GNB1L: variants seen among roughly 807,000 people sequenced by gnomAD.
GNB1L encodes G protein subunit beta 1 like, also known as guanine nucleotide-binding protein subunit beta-like protein 1.
GNB1L carries 20 observed loss-of-function variants against 29.1 expected under a neutral mutation model. The ratio of observed to expected loss-of-function variants is 0.69; its 90% CI spans 0.48 to 1.00. The LOEUF is 1.00. Ranked by LOEUF, GNB1L falls within the 50% of genes least tolerant of loss-of-function variation. The pLI, the probability that GNB1L is intolerant of heterozygous loss-of-function variation, is 0.00. For missense variants in GNB1L, 421 were observed against 464.9 expected (o/e 0.91, Z 0.87); for synonymous variants, 193 against 206.5 (o/e 0.93, Z 0.56).
At chr22:19,795,707 T>A (rs1937298668) in intron 7 of GNB1L, among the ~76,000 whole-genome samples, 1 of 152,144 alleles carries the variant, frequency 6.6e-6, no homozygotes, top group Non-Finnish European at 1.5e-5. Flanking sequence ...GAAGACACAG[T>A]AAGTCAAAGC....
intron 2 of GNB1L, chr22:19,850,758 G>T: frequency 8.0e-7 from 1 of 1,248,232 alleles, no homozygotes; most frequent in Non-Finnish European, 1.0e-6. Context: ...GTCCCAACAG[G>T]GCAGACGTGG....
At position 19,788,845 on chromosome 22, in the gene GNB1L, C is replaced by T. The variant is rs768670813; in HGVS notation, c.848G>A (p.Arg283Gln). ...WDHRIRVFHW[R>Q]TMQPLAVLAF... ...CAGCACGGCCAGTGGCTGCATCGTC[C>T]GCCAGTGGAACACGCGGATGCGGTG... Residue 283 changes from arginine (R) to glutamine (Q), a missense_variant, in exon 8 of 8, where the codon CGG (arginine) becomes CAG (glutamine). By Grantham distance (43) the Arg-to-Gln change is conservative. Coordinates refer to ENST00000329517, the MANE Select transcript of GNB1L (RefSeq NM_053004.3). 46 of 1,612,768 alleles carry T rather than the reference C, an allele frequency of 2.9e-5. No homozygotes were observed. The highest frequency in any genetic ancestry group is 1.7e-4 in the Middle Eastern group (1 of 6,028).
At chr22:19,805,085 A>G (rs531555047) in intron 6 of GNB1L, among the ~76,000 whole-genome samples, 1 of 152,266 alleles carries the variant, frequency 6.6e-6, no homozygotes, top group South Asian at 2.1e-4. Flanking sequence ...CCCGGCTGTG[A>G]GCCTGCTGGC....
intron 2 of GNB1L, chr22:19,851,006 G>T: frequency 7.0e-7 from 1 of 1,421,620 alleles, no homozygotes. Flanking sequence ...GGGGGAGCTG[G>T]TTCTGCTCAG....
chr22:19,809,681 C>T (rs145110524), intron 5 of GNB1L, among the ~76,000 whole-genome samples: 133 of 152,306 alleles, frequency 8.7e-4, no homozygotes, highest in African/African-American at 3.1e-3. Flanking sequence ...GAAGTTTGAG[C>T]AGTGGGACAC....
intron 7 of GNB1L, among the ~76,000 whole-genome samples, chr22:19,794,270 T>C (rs919482699): frequency 2.0e-5 from 3 of 152,152 alleles, no homozygotes; most frequent in South Asian, 2.1e-4. Flanking sequence ...GAAACTAATA[T>C]TGTAAGGTGC....
intron 6 of GNB1L, 74 bp from the exon 7 acceptor site, chr22:19,802,290 T>C: frequency 8.3e-7 from 1 of 1,207,700 alleles, no homozygotes; most frequent in Admixed American, 1.8e-5. Flanking sequence ...GAAGGGGCTC[T>C]GGAAATTCCT....
At chr22:19,805,564 C>T (rs1325113173) in intron 6 of GNB1L, among the ~76,000 whole-genome samples, 1 of 151,910 alleles carries the variant, frequency 6.6e-6, no homozygotes, top group East Asian at 1.9e-4. Flanking sequence ...GGGCGGATCA[C>T]GAGGTCAGGA....
At chr22:19,789,256 G>A (rs1937225065) in intron 7 of GNB1L, among the ~76,000 whole-genome samples, 1 of 152,182 alleles carries the variant, frequency 6.6e-6, no homozygotes, top group Admixed American at 6.5e-5. Context: ...TGCAGGAGAG[G>A]GGCTGGGTCC....
At position 19,787,309 on chromosome 22, in the gene GNB1L, C is replaced by G. The variant is rs1937200278; in HGVS notation, c.*1400G>C. ...AGTGCAGCCACCCTCAGGCTGTAAT[C>G]CAGCCCCCACCCCCAGCCCGGCACT... On this transcript the variant is annotated 3_prime_UTR_variant, in exon 8 of 8. Coordinates refer to ENST00000329517, the MANE Select transcript of GNB1L (RefSeq NM_053004.3). The G allele has an allele frequency of 6.6e-6, 1 of 152,514 alleles. No homozygotes were observed. Among genetic ancestry groups the G allele is most frequent in the South Asian group, 2.1e-4 (1 of 4,834 alleles). The allele number at this position is 152,514 out of a possible 1,614,324, so 9.4% of individuals were successfully genotyped here.
chr22:19,803,959 C>A (rs1937404054), intron 6 of GNB1L, among the ~76,000 whole-genome samples: 1 of 152,284 alleles, frequency 6.6e-6, no homozygotes, highest in East Asian at 1.9e-4. Context: ...AGCCTAGAGC[C>A]TGTGTGAAGC....
At chr22:19,796,711 C>G (rs1280925265) in intron 7 of GNB1L, among the ~76,000 whole-genome samples, 1 of 152,024 alleles carries the variant, frequency 6.6e-6, no homozygotes, top group Non-Finnish European at 1.5e-5. Flanking sequence ...CTTCTTGCAC[C>G]AGGGAGCCCA....
At chr22:19,821,646 C>T (rs975647090) in intron 2 of GNB1L, among the ~76,000 whole-genome samples, 6 of 152,204 alleles carry the variant, frequency 3.9e-5, no homozygotes, top group Non-Finnish European at 7.4e-5. Context: ...CCCATGGATG[C>T]CAGCCCTCCT....
intron 2 of GNB1L, chr22:19,847,433 G>A (rs1937986532): frequency 3.0e-6 from 3 of 985,384 alleles, no homozygotes; most frequent in Non-Finnish European, 3.6e-6. Flanking sequence ...GGGTGTTAGA[G>A]GGCCCAGACC....
chr22:19,834,736 A>G (rs1190746148), intron 2 of GNB1L, among the ~76,000 whole-genome samples: 2 of 152,196 alleles, frequency 1.3e-5, no homozygotes, highest in Admixed American at 6.5e-5. Context: ...AAATCAAAAC[A>G]ATGTTTTAAA....
At chr22:19,797,345 G>T (rs576544546) in intron 7 of GNB1L, among the ~76,000 whole-genome samples, 1 of 151,982 alleles carries the variant, frequency 6.6e-6, no homozygotes, top group Non-Finnish European at 1.5e-5. Flanking sequence ...ACACACGGGA[G>T]GGGGGGTGGG....
rs531844094 is a variant in GNB1L, at chr22:19,854,555, C to G, written c.-117-16G>C. The G allele has an allele frequency of 2.0e-5, 3 of 152,900 alleles. No homozygotes were observed. The highest frequency in any genetic ancestry group is 1.9e-4 in the East Asian group (1 of 5,176). The allele number at this position is 152,900 out of a possible 1,614,324, so 9.5% of individuals were successfully genotyped here. On this transcript the variant is annotated splice_polypyrimidine_tract_variant and intron_variant, in intron 1 of 7. Coordinates refer to ENST00000329517, the MANE Select transcript of GNB1L (RefSeq NM_053004.3). The stretch of plus-strand genomic sequence containing the variant: ...CAGGCGCCACCTAGAAAGTGGAGAA[C>G]GAGATCGGCCGCCGTGAGGCCAGGC...
chr22:19,800,275 G>A (rs556586169), intron 7 of GNB1L, among the ~76,000 whole-genome samples: 1 of 152,234 alleles, frequency 6.6e-6, no homozygotes, highest in Non-Finnish European at 1.5e-5. Context: ...GGGCCAGGAC[G>A]GCAGGAGGGC....
chr22:19,853,860 G>C (rs916593484), intron 2 of GNB1L, among the ~76,000 whole-genome samples: 11 of 152,188 alleles, frequency 7.2e-5, no homozygotes, highest in Non-Finnish European at 1.5e-4. Flanking sequence ...CCGATCCAGG[G>C]CCCAGCTCCC....
Sources: gnomAD v4.1 joint callset for allele counts (sites outside exome capture counted in the v4.1 genomes callset) on GRCh38, gnomAD v4.1.1 for gene constraint, MANE v1.5 for transcripts, NCBI Gene and HGNC (gene_info 2026-07-23, HGNC 2026-07-21) for gene names.